The following RANBP17 variants were observed in gnomAD, a reference collection of about 807,000 sequenced individuals.
RANBP17 encodes ran-binding protein 17.
Under a neutral mutation model 141.2 loss-of-function variants are expected in RANBP17, and 158 were observed. The ratio of observed to expected loss-of-function variants is 1.12; its 90% CI spans 0.98 to 1.28. RANBP17 has a LOEUF of 1.28. Among genes scored for constraint, RANBP17 ranks in the 50% most tolerant of loss-of-function variants. RANBP17 has a pLI of 0.00. For missense variants in RANBP17, 1,438 were observed against 1,290.7 expected (o/e 1.11, Z -1.75); for synonymous variants, 430 against 450.0 (o/e 0.96, Z 0.56).
At chr5:171,182,086 G>T (rs1760895970) in intron 16 of RANBP17, among the ~76,000 whole-genome samples, 1 of 152,158 alleles carries the variant, frequency 6.6e-6, no homozygotes, top group Non-Finnish European at 1.5e-5. Context: ...ATGCTTTTCA[G>T]TGCCCCTGTG....
rs1393380015 is a variant in RANBP17, at chr5:171,240,992, C to T, written c.2487C>T (p.Gly829=). The change falls in exon 23 of 28, where the codon GGC becomes GGT. Residue 829 remains glycine (G), a synonymous_variant. Coordinates refer to ENST00000523189, the MANE Select transcript of RANBP17 (RefSeq NM_022897.5). The part of the protein sequence containing the change: ...KDQIYPMKLK[G]ISICYSALKS... ...AGATTTATCCAATGAAACTCAAGGG[C>T]ATCTCCATCTGCTATTCAGCTCTCA... 2 of 1,613,876 alleles carry T rather than the reference C, an allele frequency of 1.2e-6. No homozygotes were observed. The highest frequency in any genetic ancestry group is 2.2e-5 in the East Asian group (1 of 44,868).
chr5:171,199,304 A>AG (rs996165937), intron 18 of RANBP17, among the ~76,000 whole-genome samples: 1 of 152,000 alleles, frequency 6.6e-6, no homozygotes, highest in Non-Finnish European at 1.5e-5. Flanking sequence ...CCCAAAGAGA[A>AG]GGGGGAAAAA....
intron 14 of RANBP17, among the ~76,000 whole-genome samples, chr5:171,079,392 A>G (rs916488588): frequency 8.5e-5 from 13 of 152,252 alleles, no homozygotes; most frequent in Non-Finnish European, 1.9e-4. Flanking sequence ...ATTACATAAC[A>G]TTAGTTGATA....
chr5:171,145,214 T>C (rs1012442049), intron 14 of RANBP17, among the ~76,000 whole-genome samples: 1 of 152,162 alleles, frequency 6.6e-6, no homozygotes, highest in Admixed American at 6.5e-5. Flanking sequence ...AACCTAAAGC[T>C]CTCTTTCTCA....
chr5:171,027,251 T>C (rs1228058725), intron 14 of RANBP17, among the ~76,000 whole-genome samples: 2 of 152,224 alleles, frequency 1.3e-5, no homozygotes, highest in Non-Finnish European at 2.9e-5. Flanking sequence ...TATTTCACTC[T>C]GTTATTACTG....
chr5:170,964,702 C>T (rs1357555170), intron 13 of RANBP17, among the ~76,000 whole-genome samples: 1 of 152,112 alleles, frequency 6.6e-6, no homozygotes, highest in Non-Finnish European at 1.5e-5. Flanking sequence ...CCAATTTCAT[C>T]CATGTCCCTA....
chr5:171,006,857 C>A (rs575027338), intron 14 of RANBP17, among the ~76,000 whole-genome samples: 1 of 151,902 alleles, frequency 6.6e-6, no homozygotes, highest in African/African-American at 2.4e-5. Context: ...TTCGTCTTTA[C>A]GTTGGGTATT....
At chr5:171,072,997 A>G (rs1784715612) in intron 14 of RANBP17, among the ~76,000 whole-genome samples, 1 of 152,080 alleles carries the variant, frequency 6.6e-6, no homozygotes, top group Non-Finnish European at 1.5e-5. Flanking sequence ...TTTACATGAC[A>G]TACCGGAAAA....
chr5:171,038,708 A>G (rs1431712641), intron 14 of RANBP17, among the ~76,000 whole-genome samples: 1 of 152,006 alleles, frequency 6.6e-6, no homozygotes, highest in African/African-American at 2.4e-5. Context: ...AGATGGTTTT[A>G]TTGAAAGTTT....
chr5:171,216,883 C>G (rs1763253396), intron 21 of RANBP17, among the ~76,000 whole-genome samples: 1 of 152,116 alleles, frequency 6.6e-6, no homozygotes, highest in African/African-American at 2.4e-5. Context: ...TCCTGTCTTC[C>G]TATCTGAATA....
chr5:170,964,378 G>GT lies in RANBP17; in HGVS notation c.1575-3857dup, dbSNP rs1405800980. The stretch of plus-strand genomic sequence containing the variant: ...TTATGGTGTATTCATATAATGGAAT[G>GT]TTTTTTTGTTGTTGTTGTTAATTTT... On this transcript the variant is annotated intron_variant, in intron 13 of 27. Coordinates refer to ENST00000523189, the MANE Select transcript of RANBP17 (RefSeq NM_022897.5). Among the ~76,000 whole-genome samples, 137 of 150,296 alleles carry GT rather than the reference G, an allele frequency of 9.1e-4. No homozygotes were observed. The East Asian group carries it at 0.012, about 13-fold the overall frequency.
At chr5:171,267,026 C>CTTTTTTTTTTTTT (rs35762251) in intron 25 of RANBP17, among the ~76,000 whole-genome samples, 2 of 114,620 alleles carry the variant, frequency 1.7e-5, no homozygotes, top group African/African-American at 7.4e-5. Context: ...ATTTTCTTTT[C>CTTTTTTTTTTTTT]TTTTTTTTTT....
intron 24 of RANBP17, among the ~76,000 whole-genome samples, chr5:171,256,714 G>GA (rs1033990005): frequency 4.6e-5 from 7 of 151,834 alleles, no homozygotes; most frequent in Non-Finnish European, 7.4e-5. Context: ...AACCAGAAAT[G>GA]AAAAAGGAGG....
chr5:171,095,943 C>T (rs1786655857), intron 14 of RANBP17, among the ~76,000 whole-genome samples: 2 of 152,084 alleles, frequency 1.3e-5, no homozygotes, highest in African/African-American at 4.8e-5. Flanking sequence ...GGGGAAAAAT[C>T]ATGAAGAGAA....
chr5:171,120,146 TAC>T (rs1220863105), intron 14 of RANBP17, among the ~76,000 whole-genome samples: 1 of 152,140 alleles, frequency 6.6e-6, no homozygotes, highest in East Asian at 1.9e-4. Flanking sequence ...TCTTTTCCCT[TAC>T]TTTCTTCCAA....
chr5:171,154,567 A>G (rs552583336), intron 14 of RANBP17, among the ~76,000 whole-genome samples: 5 of 152,226 alleles, frequency 3.3e-5, no homozygotes, highest in Non-Finnish European at 5.9e-5. Flanking sequence ...GGTGTGAGCT[A>G]CTATGCCCAG....
chr5:171,205,043 G>A (rs1762493517), intron 19 of RANBP17, among the ~76,000 whole-genome samples: 1 of 152,100 alleles, frequency 6.6e-6, no homozygotes, highest in African/African-American at 2.4e-5. Context: ...AGGTCACTTG[G>A]CCAGTTTTAT....
intron 14 of RANBP17, among the ~76,000 whole-genome samples, chr5:171,037,046 T>C (rs941773542): frequency 6.6e-6 from 1 of 152,162 alleles, no homozygotes; most frequent in African/African-American, 2.4e-5. Flanking sequence ...TTAATACATG[T>C]TCCCCCCCAA....
intron 14 of RANBP17, chr5:170,968,816 G>A (rs11134672): frequency 0.68 from 300,424 of 439,646 alleles, 106,030 homozygotes; most frequent in South Asian, 0.89. Context: ...TGTGTCCTTA[G>A]GAGACTGCAT....
Sources: gnomAD v4.1 joint callset for allele counts (sites outside exome capture counted in the v4.1 genomes callset) on GRCh38, gnomAD v4.1.1 for gene constraint, MANE v1.5 for transcripts, NCBI Gene and HGNC (gene_info 2026-07-23, HGNC 2026-07-21) for gene names.